The following VWA3B variants were observed in gnomAD, a reference collection of about 807,000 sequenced individuals.
VWA3B encodes von Willebrand factor A domain-containing protein 3B.
Under a neutral mutation model 158.3 loss-of-function variants are expected in VWA3B, and 138 were observed. The observed-to-expected ratio is 0.87, with a 90% CI of 0.76 to 1.00. VWA3B has a LOEUF of 1.00. VWA3B is among the 50% of genes least tolerant of loss of function. The pLI, the probability that VWA3B is intolerant of heterozygous loss-of-function variation, is 0.00. For missense variants in VWA3B, 1,555 were observed against 1,565.1 expected, an observed-to-expected ratio of 0.99 and a Z score of 0.11; for synonymous variants, 596 against 587.3, an observed-to-expected ratio of 1.01 and a Z score of -0.21.
At chr2:98,152,837 T>C (rs1005741614) in intron 7 of VWA3B, among the ~76,000 whole-genome samples, 1 of 152,212 alleles carries the variant, frequency 6.6e-6, no homozygotes, top group Admixed American at 6.5e-5. Context: ...CTGAAAGCCA[T>C]GGTCAGAACT....
chr2:98,321,737 C>G, the VWA3B span, among the ~76,000 whole-genome samples: 1 of 152,156 alleles, frequency 6.6e-6, no homozygotes, highest in Non-Finnish European at 1.5e-5. Context: ...CTGTGGACTT[C>G]TGAGTTAATG....
At chr2:98,168,131 C>T (rs1455868844) in intron 8 of VWA3B, among the ~76,000 whole-genome samples, 2 of 152,086 alleles carry the variant, frequency 1.3e-5, no homozygotes, top group Non-Finnish European at 2.9e-5. Context: ...GTAGAAACAT[C>T]AATCAATCAA....
At chr2:98,104,978 TC>T (rs1683336595) in intron 2 of VWA3B, among the ~76,000 whole-genome samples, 1 of 152,316 alleles carries the variant, frequency 6.6e-6, no homozygotes, top group African/African-American at 2.4e-5. Flanking sequence ...ACATTATAAA[TC>T]TCACAATTCA....
intron 8 of VWA3B, among the ~76,000 whole-genome samples, chr2:98,167,498 A>C (rs1167235754): frequency 6.6e-6 from 1 of 152,156 alleles, no homozygotes; most frequent in Non-Finnish European, 1.5e-5. Flanking sequence ...TACTGCCTTG[A>C]GAGAGTTTCC....
intron 8 of VWA3B, among the ~76,000 whole-genome samples, chr2:98,170,537 G>A (rs942366065): frequency 1.3e-5 from 2 of 152,014 alleles, no homozygotes; most frequent in African/African-American, 2.4e-5. Context: ...CATTAGTATT[G>A]TATTAAATAA....
chr2:98,294,846 C>G (rs1689707825), intron 23 of VWA3B, among the ~76,000 whole-genome samples: 1 of 152,238 alleles, frequency 6.6e-6, no homozygotes, highest in Non-Finnish European at 1.5e-5. Flanking sequence ...ACTGCAATCA[C>G]TTTGTTTCCC....
At chr2:98,108,738 T>A (rs1673880589) in intron 2 of VWA3B, among the ~76,000 whole-genome samples, 1 of 151,992 alleles carries the variant, frequency 6.6e-6, no homozygotes, top group Admixed American at 6.6e-5. Context: ...TATAATTATA[T>A]TTGAAGCAAA....
Position 98,119,600 on chromosome 2 carries a change from A to G in VWA3B, c.379A>G (p.Thr127Ala). 6.2e-7 allele frequency: 1 copy of G among 1,614,170 alleles called. No homozygotes were observed. The highest frequency in any genetic ancestry group is 2.2e-5 in the East Asian group (1 of 44,876). Reference sequence around the variant, plus strand: ...CTACAAGCAGCGAATGGACTGGCTCACCAGCAAGAGCCGGCAGATTTTTGG... The same window carrying G: ...CTACAAGCAGCGAATGGACTGGCTCGCCAGCAAGAGCCGGCAGATTTTTGG... ...ESYKQRMDWL[T>A]SKSRQIFGVI... Residue 127 changes from threonine (T) to alanine (A), a missense_variant, in exon 4 of 28, where the codon ACC becomes GCC. Thr to Ala is a moderately conservative substitution (Grantham distance 58, BLOSUM62 0). Transcript: ENST00000477737.
intron 2 of VWA3B, among the ~76,000 whole-genome samples, chr2:98,113,083 T>A (rs907535954): frequency 5.3e-5 from 8 of 151,784 alleles, no homozygotes; most frequent in African/African-American, 1.9e-4. Context: ...ATTTATAGTA[T>A]ACTTATAATA....
chr2:98,270,712 G>A lies in VWA3B; in HGVS notation c.2874G>A (p.Leu958=), dbSNP rs893219616. 17 of 1,613,876 alleles carry A rather than the reference G, an allele frequency of 1.1e-5. No homozygotes were observed. The highest frequency in any genetic ancestry group is 1.6e-4 in the Middle Eastern group (1 of 6,084). The change falls in exon 22 of 28, where the codon TTG becomes TTA. Residue 958 remains leucine (L), a synonymous_variant. Coordinates refer to ENST00000477737, the MANE Select transcript of VWA3B (RefSeq NM_144992.5). ...ATGCAAACAAACCAATACAGTACTT[G>A]GAAAACAAAACAGTTTTAAACCAGG... ...KLDANKPIQY[L]ENKTVLNQAL...
chr2:98,243,507 T>C (rs1686209964), intron 19 of VWA3B, among the ~76,000 whole-genome samples: 1 of 152,084 alleles, frequency 6.6e-6, no homozygotes, highest in Non-Finnish European at 1.5e-5. Context: ...CTAATTTTTT[T>C]GTATTTTTAG....
intron 21 of VWA3B, among the ~76,000 whole-genome samples, chr2:98,260,745 T>C (rs1687431574): frequency 6.6e-6 from 1 of 151,822 alleles, no homozygotes; most frequent in South Asian, 2.1e-4. Context: ...CTAATTTTTA[T>C]ATCTGCTTGA....
intron 19 of VWA3B, among the ~76,000 whole-genome samples, chr2:98,236,982 C>G (rs1685745613): frequency 1.3e-5 from 2 of 152,168 alleles, no homozygotes; most frequent in African/African-American, 4.8e-5. Context: ...TTGAGACCAG[C>G]CTGGGCAACA....
At chr2:98,186,158 ATTTTTTT>A (rs377014875) in intron 9 of VWA3B, among the ~76,000 whole-genome samples, 2 of 128,378 alleles carry the variant, frequency 1.6e-5, no homozygotes, top group East Asian at 2.2e-4. Context: ...ACTTCCTTGA[ATTTTTTT>A]TTTTTTTTTT....
chr2:98,317,122 T>A (rs1691103943), downstream of VWA3B, among the ~76,000 whole-genome samples: 1 of 152,122 alleles, frequency 6.6e-6, no homozygotes, highest in Admixed American at 6.5e-5. Context: ...GCAAAACCAA[T>A]GCATGAAAAG....
At chr2:98,200,309 G>A (rs1682424218) in intron 12 of VWA3B, among the ~76,000 whole-genome samples, 1 of 152,072 alleles carries the variant, frequency 6.6e-6, no homozygotes, top group Non-Finnish European at 1.5e-5. Flanking sequence ...TTGTGAGGCC[G>A]AGGCAGGCAG....
chr2:98,182,314 C>T (rs968108341), intron 9 of VWA3B, among the ~76,000 whole-genome samples: 4 of 152,224 alleles, frequency 2.6e-5, no homozygotes, highest in Admixed American at 1.3e-4. Context: ...ATTAGGCTGG[C>T]CGGCCACTGA....
At chr2:98,254,904 G>T (rs1487255249) in intron 20 of VWA3B, among the ~76,000 whole-genome samples, 2 of 152,178 alleles carry the variant, frequency 1.3e-5, no homozygotes, top group African/African-American at 4.8e-5. Context: ...CCCGAAATGT[G>T]TCCTCTGAGC....
At chr2:98,120,565 T>C (rs1344857317) in intron 4 of VWA3B, among the ~76,000 whole-genome samples, 2 of 152,344 alleles carry the variant, frequency 1.3e-5, no homozygotes, top group East Asian at 3.9e-4. Context: ...CTCAGCCAGA[T>C]TCTCTACCCA....
Sources: gnomAD v4.1 joint callset for allele counts (sites outside exome capture counted in the v4.1 genomes callset) on GRCh38, gnomAD v4.1.1 for gene constraint, MANE v1.5 for transcripts, NCBI Gene and HGNC (gene_info 2026-07-23, HGNC 2026-07-21) for gene names.